Variants in ADAMTS14 observed in about 807,000 individuals in gnomAD.
ADAMTS14 encodes the protein ADAM metallopeptidase with thrombospondin type 1 motif 14, also known as A disintegrin and metalloproteinase with thrombospondin motifs 14.
A neutral mutation model predicts 128.6 loss-of-function variants in ADAMTS14; 100 were observed. That is an observed-to-expected ratio of 0.78 (90% CI 0.66 to 0.92). The LOEUF is 0.92. Ranked by LOEUF, ADAMTS14 falls within the 40% of genes least tolerant of loss-of-function variation. ADAMTS14 has a pLI of 0.00. For missense variants in ADAMTS14, 1,562 were observed against 1,658.6 expected (o/e 0.94, Z 1.01); for synonymous variants, 665 against 653.8 (o/e 1.02, Z -0.26).
At chr10:70,720,919 TTTATGTCC>T (rs1314542689) in intron 4 of ADAMTS14, among the ~76,000 whole-genome samples, 1 of 152,204 alleles carries the variant, frequency 6.6e-6, no homozygotes, top group Non-Finnish European at 1.5e-5. Flanking sequence ...ACCCCATTAT[TTTATGTCC>T]TTAAGAACGA....
intron 2 of ADAMTS14, among the ~76,000 whole-genome samples, chr10:70,676,692 A>C (rs1839656913): frequency 6.6e-6 from 1 of 152,236 alleles, no homozygotes; most frequent in African/African-American, 2.4e-5. Context: ...CTCTGCCGCC[A>C]GCCCACTCTG....
At chr10:70,708,496 C>T (rs989906112) in intron 3 of ADAMTS14, 92 bp from the exon 4 acceptor site, 2 of 1,142,440 alleles carry the variant, frequency 1.8e-6, no homozygotes, top group Non-Finnish European at 2.5e-6. Flanking sequence ...AAAGGGGCAC[C>T]AGTGATGGGG....
chr10:70,727,633 T>C (rs1378965917), intron 4 of ADAMTS14, among the ~76,000 whole-genome samples: 1 of 152,178 alleles, frequency 6.6e-6, no homozygotes, highest in Non-Finnish European at 1.5e-5. Context: ...ATCACATCCC[T>C]GACCATGCTG....
At position 70,672,857 on chromosome 10, in the gene ADAMTS14, T is replaced by C; in HGVS notation, c.55T>C (p.Cys19Arg). The C allele has an allele frequency of 6.6e-7, 1 of 1,505,948 alleles. No homozygotes were observed. Among genetic ancestry groups the C allele is most frequent in the South Asian group, 1.3e-5 (1 of 79,944 alleles). 93.3% of individuals were successfully genotyped at this position (1,505,948 alleles called of 1,614,324 possible). ...CCTGCTGCCTTTGCACTGTGCGCTC[T>C]GCGCCGCCGCGGGCAGCCGGACCCC... ...SYLLPLHCAL[C>R]AAAGSRTPEL... Residue 19 changes from cysteine (C) to arginine (R), a missense_variant, in exon 1 of 22, where the codon TGC becomes CGC. Physicochemically the swap from Cys to Arg is radical, Grantham distance 180. Coordinates refer to ENST00000373207, the MANE Select transcript of ADAMTS14 (RefSeq NM_080722.4).
Position 70,678,891 on chromosome 10 carries a change from C to T in ADAMTS14, c.522+3896C>T, listed in dbSNP as rs996436893. 5.3e-5 allele frequency among the ~76,000 whole-genome samples: 8 copies of T among 151,848 alleles called. 1 individual carries two copies. Among genetic ancestry groups the T allele is most frequent in the Non-Finnish European group, 1.5e-5 (1 of 67,954 alleles). The stretch of plus-strand genomic sequence containing the variant: ...GCCCCTGTAAACCTGTAGTTGATGG[C>T]TCCCTCCTACATTGTGGTTAATTCA... On this transcript the variant is annotated intron_variant, in intron 2 of 21. Coordinates refer to ENST00000373207, the MANE Select transcript of ADAMTS14 (RefSeq NM_080722.4).
At chr10:70,755,148 A>C (rs937206952) in intron 19 of ADAMTS14, among the ~76,000 whole-genome samples, 2 of 151,984 alleles carry the variant, frequency 1.3e-5, no homozygotes, top group Admixed American at 6.6e-5. Flanking sequence ...TCTACAAAAA[A>C]TGTAAAAAGT....
chr10:70,707,222 C>G (rs1840695224), intron 3 of ADAMTS14, among the ~76,000 whole-genome samples: 1 of 152,202 alleles, frequency 6.6e-6, no homozygotes, highest in Non-Finnish European at 1.5e-5. Flanking sequence ...CGGCCTTTAT[C>G]ACCTACCCAC....
At chr10:70,676,495 G>A (rs558647557) in intron 2 of ADAMTS14, among the ~76,000 whole-genome samples, 1 of 152,352 alleles carries the variant, frequency 6.6e-6, no homozygotes, top group Non-Finnish European at 1.5e-5. Flanking sequence ...AGTTGAGCAT[G>A]CACTAGAATC....
At position 70,684,939 on chromosome 10, in the gene ADAMTS14, T is replaced by C. The variant is rs150821131; in HGVS notation, c.522+9944T>C. 3.5e-3 allele frequency among the ~76,000 whole-genome samples: 527 copies of C among 152,368 alleles called. 14 individuals carry two copies. Among genetic ancestry groups the C allele is most frequent in the Admixed American group, 4.7e-3 (72 of 15,310 alleles). ...TACCTCCCTTGTCTCCTCATGACCA[T>C]GCTTCACTGTCTGCCCTGGATTAAT... On this transcript the variant is annotated intron_variant, in intron 2 of 21. Coordinates refer to ENST00000373207, the MANE Select transcript of ADAMTS14 (RefSeq NM_080722.4).
chr10:70,732,288 G>A lies in ADAMTS14; in HGVS notation c.1137G>A (p.Leu379=). 1.9e-6 allele frequency: 3 copies of A among 1,614,220 alleles called. No individual in the cohort carries two copies. Among genetic ancestry groups the A allele is most frequent in the Non-Finnish European group, 1.7e-6 (2 of 1,180,032 alleles). ...YAPVTGMCHP[L]RSCALNHEDG... ...CCGTCACTGGCATGTGTCACCCCCT[G>A]AGGAGCTGTGCCCTCAACCATGAGG... is the stretch of plus-strand genomic sequence containing the variant. The change falls in exon 7 of 22, where the codon CTG becomes CTA. Residue 379 remains leucine (L), a synonymous_variant. Transcript: ENST00000373207.
At chr10:70,688,985 C>A (rs910608521) in intron 2 of ADAMTS14, among the ~76,000 whole-genome samples, 1 of 105,724 alleles carries the variant, frequency 9.5e-6, no homozygotes, top group African/African-American at 2.8e-5. Context: ...CTCCAAGCCA[C>A]TCCCGTCCCC....
At chr10:70,750,029 T>G (rs1318978625) in intron 16 of ADAMTS14, 44 bp downstream of exon 16, 2 of 1,602,820 alleles carry the variant, frequency 1.2e-6, no homozygotes, top group African/African-American at 2.7e-5. Flanking sequence ...CCACCCCACT[T>G]GTCCCCTTAG....
At chr10:70,706,362 G>A (rs1353029206) in intron 3 of ADAMTS14, among the ~76,000 whole-genome samples, 1 of 152,256 alleles carries the variant, frequency 6.6e-6, no homozygotes, top group African/African-American at 2.4e-5. Flanking sequence ...AGGCCTGGCA[G>A]GGAGGGCTCT....
At chr10:70,690,724 G>T (rs938605488) in intron 2 of ADAMTS14, among the ~76,000 whole-genome samples, 4 of 145,150 alleles carry the variant, frequency 2.8e-5, no homozygotes, top group Admixed American at 1.4e-4. Flanking sequence ...CACTGCCAAG[G>T]GTGCAGCACC....
chr10:70,716,952 G>A (rs560646731), intron 4 of ADAMTS14, among the ~76,000 whole-genome samples: 66 of 152,278 alleles, frequency 4.3e-4, no homozygotes, highest in Admixed American at 1.6e-3. Flanking sequence ...CAGATGATGC[G>A]ACCGGGCTCC....
chr10:70,696,106 G>C (rs556399757), intron 2 of ADAMTS14, among the ~76,000 whole-genome samples: 1 of 152,176 alleles, frequency 6.6e-6, no homozygotes, highest in South Asian at 2.1e-4. Flanking sequence ...GAGGTAGAGA[G>C]TTTCAAAGAT....
chr10:70,674,605 C>T lies in ADAMTS14; in HGVS notation c.132C>T (p.Cys44=). ...GTGACTATGGTGTGACAGTGCCCTGCAGCACAGACTTTCGGGGACGCTTCC... is the reference window on the plus strand; with the variant it reads ...GTGACTATGGTGTGACAGTGCCCTGTAGCACAGACTTTCGGGGACGCTTCC... ...KLSDYGVTVP[C]STDFRGRFLS... is the part of the protein sequence containing the mutation. The change falls in exon 2 of 22, where the codon TGC becomes TGT. Residue 44 remains cysteine (C), a synonymous_variant. Coordinates refer to ENST00000373207, the MANE Select transcript of ADAMTS14 (RefSeq NM_080722.4). The T allele has an allele frequency of 6.2e-7, 1 of 1,613,998 alleles. No individual in the cohort carries two copies. Among genetic ancestry groups the T allele is most frequent in the East Asian group, 2.2e-5 (1 of 44,888 alleles).
At chr10:70,728,478 G>T (rs1446997197) in intron 4 of ADAMTS14, among the ~76,000 whole-genome samples, 1 of 152,216 alleles carries the variant, frequency 6.6e-6, no homozygotes, top group Non-Finnish European at 1.5e-5. Context: ...GACCACTCAG[G>T]AAATGGGTGT....
At chr10:70,740,260 A>G (rs1282349802) in intron 11 of ADAMTS14, among the ~76,000 whole-genome samples, 1 of 152,236 alleles carries the variant, frequency 6.6e-6, no homozygotes, top group Non-Finnish European at 1.5e-5. Flanking sequence ...CAATTCTCCC[A>G]CATGTCTATG....
Sources: gnomAD v4.1 joint callset for allele counts (sites outside exome capture counted in the v4.1 genomes callset) on GRCh38, gnomAD v4.1.1 for gene constraint, MANE v1.5 for transcripts, NCBI Gene and HGNC (gene_info 2026-07-23, HGNC 2026-07-21) for gene names.